The following NTM variants were observed in gnomAD, a reference collection of about 807,000 sequenced individuals.
NTM encodes neurotrimin.
In NTM, 13 loss-of-function variants were observed where a neutral mutation model predicts 42.1. The ratio of observed to expected loss-of-function variants is 0.31; its 90% CI spans 0.20 to 0.49. The LOEUF is 0.49. Among genes scored for constraint, NTM ranks in the 20% least tolerant of loss-of-function variants. The probability of loss-of-function intolerance (pLI) is 0.99; values close to 1 mark genes in which losing one functional copy is unlikely to be tolerated. For missense variants in NTM, 373 were observed against 452.8 expected, an observed-to-expected ratio of 0.82 and a Z score of 1.60; for synonymous variants, 187 against 179.2, an observed-to-expected ratio of 1.04 and a Z score of -0.35.
At chr11:132,134,534 T>C (rs971768152) in intron 2 of NTM, among the ~76,000 whole-genome samples, 4 of 151,180 alleles carry the variant, frequency 2.6e-5, no homozygotes, top group African/African-American at 9.7e-5. Flanking sequence ...TGCCTTTGAG[T>C]CCTCATGGCT....
At chr11:132,051,207 G>T (rs146765841) in intron 2 of NTM, among the ~76,000 whole-genome samples, 60 of 152,260 alleles carry the variant, frequency 3.9e-4, no homozygotes, top group African/African-American at 1.3e-3. Flanking sequence ...AACATATGAC[G>T]ATGATTTTTT....
rs557456781 is a variant in NTM at position 131,424,752 on chromosome 11, G to A, written c.82+53864G>A. 4.2e-4 allele frequency among the ~76,000 whole-genome samples: 52 copies of A among 123,498 alleles called. 1 individual carries two copies. Among genetic ancestry groups the A allele is most frequent in the East Asian group, 1.1e-3 (5 of 4,572 alleles). 81.0% of individuals were successfully genotyped at this position (123,498 alleles called of 152,430 possible). On this transcript the variant is annotated intron_variant, in intron 1 of 8. Transcript: ENST00000683400. ...TTTTTTTTTTTTTTTTGTATTTTTA[G>A]TAGAGACAGGGTTTCACCGTGTTAG... is the stretch of plus-strand genomic sequence containing the variant.
In NTM at chr11:131,873,547, T is replaced by C. The variant is rs1046035901; in HGVS notation, c.83-38017T>C. Among the ~76,000 whole-genome samples the C allele has an allele frequency of 7.8e-5, 4 of 51,230 alleles. 1 individual carries two copies. The highest frequency in any genetic ancestry group is 1.0e-3 in the South Asian group (2 of 1,906). 33.6% of individuals were successfully genotyped at this position (51,230 alleles called of 152,430 possible). A position where few individuals can be genotyped will look rare whatever the true frequency, so the allele number is the denominator to read the frequency against. ...GTGTGTGTGTGTGTGTGTATATATA[T>C]ACATATATATATACCGTATATATAT... On this transcript the variant is annotated intron_variant, in intron 1 of 8. Transcript: ENST00000683400.
At chr11:132,236,190 T>TAGAGC (rs2088852478) in intron 4 of NTM, among the ~76,000 whole-genome samples, 1 of 152,202 alleles carries the variant, frequency 6.6e-6, no homozygotes. Flanking sequence ...TGAAGTGCTC[T>TAGAGC]ACATCTGTGA....
intron 1 of NTM, among the ~76,000 whole-genome samples, chr11:131,746,123 TC>T (rs893401377): frequency 6.6e-6 from 1 of 152,008 alleles, no homozygotes; most frequent in Non-Finnish European, 1.5e-5. Flanking sequence ...GTCGTCATCC[TC>T]TCCTACTGCC....
chr11:132,120,244 C>T (rs942306932), intron 2 of NTM, among the ~76,000 whole-genome samples: 50 of 152,168 alleles, frequency 3.3e-4, no homozygotes, highest in African/African-American at 8.7e-4. Context: ...CAAATGTAGA[C>T]GTTGTATTGC....
rs186762140 is a variant in NTM, at chr11:131,789,721, T to C, written c.83-121843T>C. On this transcript the variant is annotated intron_variant, in intron 1 of 8. Transcript: ENST00000683400. ...CCTGTAATCCCAGCACTTTGGGAGG[T>C]GGAGGCAGGCGGATCACGAGGTCAG... Among the ~76,000 whole-genome samples, 887 of 142,544 alleles carry C rather than the reference T, an allele frequency of 6.2e-3. 11 individuals are homozygous for C. The highest frequency in any genetic ancestry group is 7.3e-3 in the Non-Finnish European group (466 of 63,744). 93.5% of individuals were successfully genotyped at this position (142,544 alleles called of 152,430 possible). A position where few individuals can be genotyped will look rare whatever the true frequency, so the allele number is the denominator to read the frequency against.
intron 1 of NTM, among the ~76,000 whole-genome samples, chr11:131,819,455 C>CTCAT (rs779832138): frequency 3.3e-5 from 5 of 152,162 alleles, no homozygotes; most frequent in Non-Finnish European, 5.9e-5. Flanking sequence ...CACTCATTCA[C>CTCAT]TCATTCATTC....
intron 1 of NTM, among the ~76,000 whole-genome samples, chr11:131,627,096 T>A (rs1400594466): frequency 6.6e-6 from 1 of 152,224 alleles, no homozygotes; most frequent in Non-Finnish European, 1.5e-5. Flanking sequence ...CAGTTTGATG[T>A]GGCAATGAAA....
chr11:132,287,890 G>T (rs975956424), intron 4 of NTM, among the ~76,000 whole-genome samples: 1 of 152,198 alleles, frequency 6.6e-6, no homozygotes, highest in African/African-American at 2.4e-5. Context: ...CTGAGGATTT[G>T]TTTGGTGTAT....
chr11:131,804,955 G>C (rs2136260418), intron 1 of NTM, among the ~76,000 whole-genome samples: 1 of 152,248 alleles, frequency 6.6e-6, no homozygotes, highest in South Asian at 2.1e-4. Context: ...AGCCACAGGT[G>C]CTCTCTTGGA....
intron 1 of NTM, among the ~76,000 whole-genome samples, chr11:131,460,516 C>T (rs751206708): frequency 8.5e-5 from 13 of 152,158 alleles, no homozygotes; most frequent in Non-Finnish European, 1.0e-4. Flanking sequence ...AAATACTATG[C>T]TCGATTCATC....
intron 2 of NTM, among the ~76,000 whole-genome samples, chr11:132,134,810 C>T (rs2067572911): frequency 7.2e-6 from 1 of 138,086 alleles, no homozygotes; most frequent in Middle Eastern, 4.0e-3. Context: ...TGGGCTGGTT[C>T]CATATTTTTG....
rs1277677520 is a variant in NTM at position 131,681,371 on chromosome 11, G to C, written c.83-230193G>C. Among the ~76,000 whole-genome samples the C allele has an allele frequency of 2.0e-4, 10 of 49,240 alleles. 1 individual carries two copies. Among genetic ancestry groups the C allele is most frequent in the Non-Finnish European group, 4.5e-4 (9 of 19,948 alleles). 32.3% of individuals were successfully genotyped at this position (49,240 alleles called of 152,430 possible). The stretch of plus-strand genomic sequence containing the variant: ...TGTGTGTATGTCTCCCTGTGTGTGT[G>C]AGCATGTGTGTTTCTGTGTCTGTGT... On this transcript the variant is annotated intron_variant, in intron 1 of 8. Transcript: ENST00000683400.
chr11:132,263,568 A>C (rs1267362811), intron 4 of NTM, among the ~76,000 whole-genome samples: 1 of 152,188 alleles, frequency 6.6e-6, no homozygotes, highest in Non-Finnish European at 1.5e-5. Context: ...GGACCAGCTG[A>C]GAATTTTCCA....
intron 1 of NTM, among the ~76,000 whole-genome samples, chr11:131,458,065 A>C (rs1254299483): frequency 1.3e-5 from 2 of 152,214 alleles, no homozygotes; most frequent in Non-Finnish European, 2.9e-5. Flanking sequence ...CATGCATTTG[A>C]GACTGGATCA....
intron 1 of NTM, among the ~76,000 whole-genome samples, chr11:131,695,508 A>G (rs1444351820): frequency 6.6e-6 from 1 of 152,212 alleles, no homozygotes; most frequent in Non-Finnish European, 1.5e-5. Context: ...ATGATTTTCC[A>G]GGAAATGAGG....
At chr11:131,933,539 G>T (rs1255251679) in intron 2 of NTM, among the ~76,000 whole-genome samples, 1 of 152,144 alleles carries the variant, frequency 6.6e-6, no homozygotes, top group Non-Finnish European at 1.5e-5. Flanking sequence ...AGGTTATGCA[G>T]TCAGTTTCCT....
At chr11:132,086,359 G>A (rs1276003851) in intron 2 of NTM, among the ~76,000 whole-genome samples, 3 of 151,066 alleles carry the variant, frequency 2.0e-5, no homozygotes, top group Non-Finnish European at 4.4e-5. Flanking sequence ...AAGACAAGGT[G>A]GAGAAAGGTA....
Sources: allele counts gnomAD v4.1 joint callset (sites outside exome capture counted in the v4.1 genomes callset), GRCh38; gene constraint gnomAD v4.1.1; transcripts MANE v1.5; gene names NCBI Gene and HGNC (gene_info 2026-07-23, HGNC 2026-07-21).